Variants in RBFOX1 observed in about 807,000 individuals in gnomAD.
RBFOX1 encodes RNA binding protein fox-1 homolog 1.
A neutral mutation model predicts 57.7 loss-of-function variants in RBFOX1; 8 were observed. The ratio of observed to expected loss-of-function variants is 0.14; its 90% CI spans 0.08 to 0.25. RBFOX1 has a LOEUF of 0.25. Ranked by LOEUF, RBFOX1 falls within the 10% of genes least tolerant of loss-of-function variation. The probability of loss-of-function intolerance (pLI) is 1.00; values close to 1 mark genes in which losing one functional copy is unlikely to be tolerated. For missense variants in RBFOX1, 611 were observed against 548.5 expected, an observed-to-expected ratio of 1.11 and a Z score of -1.14; for synonymous variants, 326 against 222.4, an observed-to-expected ratio of 1.47 and a Z score of -4.15.
Position 7,330,536 on chromosome 16 carries a change from A to T in RBFOX1, c.28-187611A>T, listed in dbSNP as rs1478302439. 2.0e-5 allele frequency among the ~76,000 whole-genome samples: 3 copies of T among 150,498 alleles called. No homozygotes were observed. In the Admixed American group the frequency reaches 2.0e-4, roughly 10 times the overall value. ...TGTGTGTGTGTGTGTAGAGAGAGAG[A>T]GAGAGAGAGAGAAAGTTACATAAAT... On this transcript the variant is annotated intron_variant, in intron 4 of 15. Transcript: ENST00000550418.
chr16:6,518,988 G>A (rs2153797689), intron 2 of RBFOX1, among the ~76,000 whole-genome samples: 1 of 151,850 alleles, frequency 6.6e-6, no homozygotes, highest in East Asian at 1.9e-4. Context: ...AAATAAAGGG[G>A]GAAATATTTT....
chr16:6,262,661 C>T (rs570619407), intron 1 of RBFOX1, among the ~76,000 whole-genome samples: 55 of 152,230 alleles, frequency 3.6e-4, no homozygotes, highest in African/African-American at 1.1e-3. Flanking sequence ...TGGGAAGAAT[C>T]GGAACAAAGG....
chr16:5,799,357 A>G (rs957288431), intron 3 of RBFOX1, among the ~76,000 whole-genome samples: 2 of 152,206 alleles, frequency 1.3e-5, no homozygotes, highest in African/African-American at 4.8e-5. Flanking sequence ...AACCATATCA[A>G]GGGAGGTTTG....
intron 3 of RBFOX1, among the ~76,000 whole-genome samples, chr16:5,826,823 G>A (rs28722014): frequency 6.6e-6 from 1 of 151,922 alleles, no homozygotes; most frequent in South Asian, 2.1e-4. Context: ...TAACACTATT[G>A]TGAGAAGTGG....
At position 6,019,546 on chromosome 16, in the gene RBFOX1, C is replaced by G; in HGVS notation, c.-573C>G. ...GGCGCTCTGCCAGCCCCGGGAACAG[C>G]AGAGGCGGCGGCACTGGCTGGACCC... On this transcript the variant is annotated 5_prime_UTR_variant, in exon 1 of 16. Transcript: ENST00000550418. This position sits in a 1 kb window ranked among gnomAD's most constrained non-coding sequence, Gnocchi z 4.2. 1.8e-6 allele frequency: 2 copies of G among 1,106,654 alleles called. No homozygotes were observed. The highest frequency in any genetic ancestry group is 2.2e-6 in the Non-Finnish European group (2 of 908,060). 68.6% of individuals were successfully genotyped at this position (1,106,654 alleles called of 1,614,324 possible). A position where few individuals can be genotyped will look rare whatever the true frequency, so the allele number is the denominator to read the frequency against.
At chr16:7,696,996 G>C (rs76067300) in intron 14 of RBFOX1, among the ~76,000 whole-genome samples, 5 of 152,176 alleles carry the variant, frequency 3.3e-5, no homozygotes, top group Non-Finnish European at 7.3e-5. Flanking sequence ...GAGGTAGACA[G>C]GGGTCAGAGG....
intron 3 of RBFOX1, among the ~76,000 whole-genome samples, chr16:6,931,918 A>G (rs980169269): frequency 6.6e-6 from 1 of 152,176 alleles, no homozygotes; most frequent in Non-Finnish European, 1.5e-5. Flanking sequence ...GGAGGAGGCG[A>G]GGAGTAAGCA....
chr16:5,804,928 C>A (rs927779714), intron 3 of RBFOX1, among the ~76,000 whole-genome samples: 4 of 152,178 alleles, frequency 2.6e-5, no homozygotes, highest in African/African-American at 9.7e-5. Context: ...CCACTACCAG[C>A]ATTTCTCTGA....
At chr16:7,070,441 A>G (rs1399865594) in intron 4 of RBFOX1, among the ~76,000 whole-genome samples, 6 of 152,184 alleles carry the variant, frequency 3.9e-5, no homozygotes, top group African/African-American at 1.4e-4. Context: ...TTAGAGATTT[A>G]AATATTTTTG....
chr16:6,178,356 G>C (rs562620033), intron 1 of RBFOX1, among the ~76,000 whole-genome samples: 10 of 151,090 alleles, frequency 6.6e-5, no homozygotes, highest in Non-Finnish European at 1.2e-4. Context: ...CTAACTTTTT[G>C]GTATTTTTAG....
At chr16:7,681,383 A>G (rs1030484754) in intron 14 of RBFOX1, among the ~76,000 whole-genome samples, 1 of 152,104 alleles carries the variant, frequency 6.6e-6, no homozygotes, top group Non-Finnish European at 1.5e-5. Context: ...TTATGCACAA[A>G]AGATTGTACA....
At chr16:7,333,074 C>A (rs2096721443) in intron 4 of RBFOX1, 1 of 1,613,754 alleles carries the variant, frequency 6.2e-7, no homozygotes, top group African/African-American at 1.3e-5. Context: ...TCCTTACCTT[C>A]CTGGACTGAT....
At chr16:6,035,658 G>A (rs1364601542) in intron 1 of RBFOX1, among the ~76,000 whole-genome samples, 1 of 152,158 alleles carries the variant, frequency 6.6e-6, no homozygotes, top group South Asian at 2.1e-4. Context: ...CCTGCACGTG[G>A]CAGACATTGA....
At chr16:6,962,195 C>G (rs564238023) in intron 3 of RBFOX1, among the ~76,000 whole-genome samples, 1 of 152,228 alleles carries the variant, frequency 6.6e-6, no homozygotes, top group Non-Finnish European at 1.5e-5. Flanking sequence ...GGCAGAATGA[C>G]TCCAACTCTG....
At chr16:7,249,886 T>C (rs1473589858) in intron 4 of RBFOX1, among the ~76,000 whole-genome samples, 1 of 152,242 alleles carries the variant, frequency 6.6e-6, no homozygotes, top group Non-Finnish European at 1.5e-5. Context: ...CATTGTTAAA[T>C]GATCTCTTCA....
intron 2 of RBFOX1, among the ~76,000 whole-genome samples, chr16:6,529,931 C>A (rs1378219256): frequency 1.3e-5 from 2 of 152,158 alleles, no homozygotes; most frequent in Non-Finnish European, 2.9e-5. Flanking sequence ...ATTGCATATT[C>A]TTCCCCTTCC....
chr16:6,846,500 A>G (rs1477316884), intron 3 of RBFOX1, among the ~76,000 whole-genome samples: 1 of 152,196 alleles, frequency 6.6e-6, no homozygotes, highest in Non-Finnish European at 1.5e-5. Context: ...GACCACAGCA[A>G]ATGAAACAAA....
chr16:5,659,100 T>C (rs949458338), intron 3 of RBFOX1, among the ~76,000 whole-genome samples: 1 of 151,976 alleles, frequency 6.6e-6, no homozygotes, highest in African/African-American at 2.4e-5. Flanking sequence ...TCCATAGTGG[T>C]TGTACTAGTT....
At position 7,710,629 on chromosome 16, in the gene RBFOX1, T is replaced by G. The variant is rs1393818856; in HGVS notation, c.1078T>G (p.Phe360Val). ...TCAAATTGCTTTGTTTCAGAATGCT[T>G]TTGCACCTTTGACTGATGCCAAGAC... is the stretch of plus-strand genomic sequence containing the variant. ...PTYGVGAMNAFAPLTDAKTRS... is the reference protein window; with the variant it reads ...PTYGVGAMNAVAPLTDAKTRS... The change falls in exon 16 of 16, where the codon TTT becomes GTT. Residue 360 changes from phenylalanine (F) to valine (V), a missense_variant. Phe to Val is a conservative substitution (Grantham distance 50, BLOSUM62 -1). Around this residue, in one of 3 missense-constraint regions of RBFOX1, gnomAD observed 267 missense variants for 229.1 expected, o/e 1.17. Coordinates refer to ENST00000550418, the MANE Select transcript of RBFOX1 (RefSeq NM_018723.4). 1 of 1,611,554 alleles carries G rather than the reference T, an allele frequency of 6.2e-7. No homozygotes were observed.
Sources: gnomAD v4.1 joint callset for allele counts (sites outside exome capture counted in the v4.1 genomes callset) on GRCh38, gnomAD v4.1.1 for gene constraint, gnomAD v4.1.1 regional missense constraint, Gnocchi (gnomAD v3.1) non-coding constraint, MANE v1.5 for transcripts, NCBI Gene and HGNC (gene_info 2026-07-23, HGNC 2026-07-21) for gene names.